The following ASZ1 variants were observed in gnomAD, a reference collection of about 807,000 sequenced individuals.
The protein encoded by ASZ1 is ankyrin repeat, SAM and basic leucine zipper domain-containing protein 1.
A neutral mutation model predicts 61.8 loss-of-function variants in ASZ1; 67 were observed. The observed-to-expected ratio is 1.08, with a 90% CI of 0.89 to 1.33. The LOEUF is 1.33. ASZ1 is among the 40% of genes most tolerant of loss of function. The probability of loss-of-function intolerance (pLI) is 0.00; values close to 1 mark genes in which losing one functional copy is unlikely to be tolerated. For synonymous variants in ASZ1, 193 were observed against 192.7 expected (o/e 1.00, Z -0.01); for missense variants, 577 against 554.5 (o/e 1.04, Z -0.41).
intron 10 of ASZ1, among the ~76,000 whole-genome samples, chr7:117,377,295 G>A (rs1326974277): frequency 1.3e-5 from 2 of 152,164 alleles, no homozygotes. Context: ...GGGAGCCGAG[G>A]TGGGAGGATC....
chr7:117,391,941 A>G (rs903951826), intron 4 of ASZ1, among the ~76,000 whole-genome samples: 3 of 151,914 alleles, frequency 2.0e-5, no homozygotes, highest in Non-Finnish European at 4.4e-5. Flanking sequence ...ACAGGCGTGC[A>G]CCACCAGGCC....
At chr7:117,376,933 C>T (rs1369762661) in intron 10 of ASZ1, among the ~76,000 whole-genome samples, 4 of 152,000 alleles carry the variant, frequency 2.6e-5, no homozygotes, top group Admixed American at 2.0e-4. Context: ...AAGTCTTACC[C>T]ACTGCCATGA....
intron 3 of ASZ1, among the ~76,000 whole-genome samples, chr7:117,421,934 C>T (rs891761631): frequency 6.6e-6 from 1 of 152,036 alleles, no homozygotes; most frequent in Non-Finnish European, 1.5e-5. Context: ...CAGTAATTTG[C>T]CACTAAATTA....
intron 4 of ASZ1, among the ~76,000 whole-genome samples, chr7:117,410,353 G>C (rs962915202): frequency 4.0e-5 from 6 of 151,510 alleles, no homozygotes; most frequent in African/African-American, 1.5e-4. Flanking sequence ...ACAGGACTTG[G>C]GACATAAATT....
intron 4 of ASZ1, among the ~76,000 whole-genome samples, chr7:117,402,751 C>T (rs971241580): frequency 3.3e-5 from 5 of 152,064 alleles, no homozygotes; most frequent in Admixed American, 1.3e-4. Flanking sequence ...TGGTAGGACG[C>T]GGGTAGTCCT....
chr7:117,390,766 C>T (rs1341904702), intron 4 of ASZ1, among the ~76,000 whole-genome samples: 2 of 152,112 alleles, frequency 1.3e-5, no homozygotes, highest in Non-Finnish European at 2.9e-5. Flanking sequence ...TGCAGTGGCA[C>T]AATCTTGGCT....
chr7:117,383,186 C>A, intron 6 of ASZ1, 76 bp from the exon 7 acceptor site: 2 of 1,333,982 alleles, frequency 1.5e-6, no homozygotes, highest in Non-Finnish European at 1.9e-6. Flanking sequence ...ACTGAACATA[C>A]GATTATCTCA....
intron 10 of ASZ1, among the ~76,000 whole-genome samples, chr7:117,375,539 C>A (rs1796121153): frequency 6.6e-6 from 1 of 151,992 alleles, no homozygotes; most frequent in African/African-American, 2.4e-5. Flanking sequence ...TTGCTTCAAC[C>A]TGCCAAAGCC....
At chr7:117,397,972 A>G (rs574816160) in intron 4 of ASZ1, among the ~76,000 whole-genome samples, 2 of 152,372 alleles carry the variant, frequency 1.3e-5, no homozygotes, top group East Asian at 3.9e-4. Context: ...CATAGTGGGT[A>G]GCCAATAGGG....
At chr7:117,397,137 A>T (rs1796591096) in intron 4 of ASZ1, among the ~76,000 whole-genome samples, 2 of 152,146 alleles carry the variant, frequency 1.3e-5, no homozygotes, top group African/African-American at 2.4e-5. Context: ...ACTTCTTGGG[A>T]TGCTGAGGCA....
chr7:117,373,226 T>C (rs1796080112), intron 10 of ASZ1, among the ~76,000 whole-genome samples: 1 of 152,094 alleles, frequency 6.6e-6, no homozygotes, highest in African/African-American at 2.4e-5. Context: ...ACAGAATGGA[T>C]ATTAACATTT....
At chr7:117,378,711 CAG>C (rs1796186266) in intron 10 of ASZ1, among the ~76,000 whole-genome samples, 1 of 151,948 alleles carries the variant, frequency 6.6e-6, no homozygotes. Flanking sequence ...TATTTTCTAA[CAG>C]AATCTTGTAG....
At chr7:117,387,041 C>A (rs1302611751) in intron 4 of ASZ1, among the ~76,000 whole-genome samples, 5 of 151,182 alleles carry the variant, frequency 3.3e-5, no homozygotes, top group Non-Finnish European at 5.9e-5. Context: ...TGGCTCAGGC[C>A]TGTAATCTTA....
intron 4 of ASZ1, among the ~76,000 whole-genome samples, chr7:117,409,952 T>G (rs1562858358): frequency 6.6e-6 from 1 of 151,804 alleles, no homozygotes; most frequent in Non-Finnish European, 1.5e-5. Flanking sequence ...ACATGCAAAA[T>G]TTTCATTAAT....
chr7:117,413,900 C>G (rs1344408499), intron 4 of ASZ1, among the ~76,000 whole-genome samples: 4 of 151,806 alleles, frequency 2.6e-5, no homozygotes, highest in Non-Finnish European at 4.4e-5. Context: ...TAATTTGGAC[C>G]AAAATTGTGA....
At chr7:117,367,974 T>C (rs959805154) in intron 11 of ASZ1, 5 of 663,998 alleles carry the variant, frequency 7.5e-6, no homozygotes, top group East Asian at 1.4e-4. Context: ...CTCAACCTCT[T>C]GGGCTCAAGT....
intron 7 of ASZ1, 117 bp from the exon 8 acceptor site, chr7:117,382,261 G>A: frequency 1.5e-6 from 1 of 680,948 alleles, no homozygotes; most frequent in Non-Finnish European, 2.5e-6. Flanking sequence ...GAATATATTT[G>A]CAATCTGCAC....
At chr7:117,426,616 G>T (rs574100080) in intron 2 of ASZ1, among the ~76,000 whole-genome samples, 2 of 152,154 alleles carry the variant, frequency 1.3e-5, no homozygotes, top group South Asian at 4.2e-4. Flanking sequence ...GCTTGAAGGA[G>T]GGGGAAGAAC....
chr7:117,416,601 G>T (rs1181095500), intron 4 of ASZ1, among the ~76,000 whole-genome samples: 2 of 152,100 alleles, frequency 1.3e-5, no homozygotes, highest in East Asian at 3.9e-4. Flanking sequence ...GGATCACATG[G>T]TTGCTTCTGG....
Sources: allele counts gnomAD v4.1 joint callset (sites outside exome capture counted in the v4.1 genomes callset), GRCh38; gene constraint gnomAD v4.1.1; transcripts MANE v1.5; gene names NCBI Gene and HGNC (gene_info 2026-07-23, HGNC 2026-07-21).